The following ADAM10 variants were observed in gnomAD, a reference collection of about 807,000 sequenced individuals.
ADAM10 encodes the protein disintegrin and metalloproteinase domain-containing protein 10.
Under a neutral mutation model 90.1 loss-of-function variants are expected in ADAM10, and 17 were observed. The ratio of observed to expected loss-of-function variants is 0.19; its 90% CI spans 0.13 to 0.28. The LOEUF (loss-of-function observed/expected upper bound fraction) is 0.28. ADAM10 is among the 10% of genes least tolerant of loss of function. The pLI is 1.00. For missense variants in ADAM10, 610 were observed against 914.3 expected (o/e 0.67, Z 4.29); for synonymous variants, 310 against 298.6 (o/e 1.04, Z -0.40).
chr15:58,599,323 A>C (rs763117751), intron 15 of ADAM10, among the ~76,000 whole-genome samples: 4 of 152,032 alleles, frequency 2.6e-5, no homozygotes, highest in Non-Finnish European at 5.9e-5. Flanking sequence ...ATATTTAAAA[A>C]AAAAAAAACA....
At chr15:58,748,990 G>A (rs1899884739) in intron 1 of ADAM10, 3 of 399,144 alleles carry the variant, frequency 7.5e-6, no homozygotes, top group Non-Finnish European at 1.3e-5. Flanking sequence ...TCTGCGCGGC[G>A]GGTCTCGGCG....
At chr15:58,674,042 T>C (rs1444039280) in intron 4 of ADAM10, among the ~76,000 whole-genome samples, 2 of 152,060 alleles carry the variant, frequency 1.3e-5, no homozygotes, top group African/African-American at 4.8e-5. Flanking sequence ...CACTGCCTCT[T>C]TTTTTGTGAT....
chr15:58,678,965 T>A (rs1197981051), intron 4 of ADAM10, among the ~76,000 whole-genome samples, 159 bp downstream of exon 4: 1 of 152,230 alleles, frequency 6.6e-6, no homozygotes, highest in Non-Finnish European at 1.5e-5. Context: ...TCATTACATA[T>A]ATCTACTATT....
intron 5 of ADAM10, among the ~76,000 whole-genome samples, chr15:58,660,592 C>T (rs1896941761): frequency 1.3e-5 from 2 of 152,128 alleles, no homozygotes; most frequent in Non-Finnish European, 2.9e-5. Flanking sequence ...ATATTTAATG[C>T]AGTCATCAAT....
chr15:58,643,617 A>G (rs1896470672), intron 7 of ADAM10, among the ~76,000 whole-genome samples: 1 of 152,236 alleles, frequency 6.6e-6, no homozygotes, highest in African/African-American at 2.4e-5. Context: ...TCTTAATAAT[A>G]TGTTAATCAG....
chr15:58,603,839 C>T (rs990243556), intron 14 of ADAM10, among the ~76,000 whole-genome samples: 1 of 70,064 alleles, frequency 1.4e-5, no homozygotes, highest in African/African-American at 5.7e-5. Flanking sequence ...GAAGAATACA[C>T]AAGAAATCCA....
At chr15:58,720,976 G>A (rs943805685) in intron 1 of ADAM10, among the ~76,000 whole-genome samples, 28 of 152,202 alleles carry the variant, frequency 1.8e-4, no homozygotes, top group Admixed American at 6.5e-5. Flanking sequence ...CACCAAAGGC[G>A]TCAAGCTGGT....
intron 1 of ADAM10, among the ~76,000 whole-genome samples, chr15:58,719,390 G>A (rs1298504334): frequency 6.6e-6 from 1 of 151,784 alleles, no homozygotes; most frequent in African/African-American, 2.4e-5. Flanking sequence ...ATGCAGGAAA[G>A]TAAATTTAAT....
chr15:58,618,256 G>C (rs1895677569), intron 11 of ADAM10, among the ~76,000 whole-genome samples: 1 of 151,850 alleles, frequency 6.6e-6, no homozygotes, highest in Non-Finnish European at 1.5e-5. Context: ...GGTGATTTTT[G>C]AACATTCAGT....
intron 2 of ADAM10, among the ~76,000 whole-genome samples, chr15:58,715,500 T>G (rs553844129): frequency 8.5e-5 from 13 of 152,218 alleles, no homozygotes; most frequent in Middle Eastern, 3.4e-3. Context: ...CCTTTTTTAG[T>G]GCCTCAGCAA....
intron 9 of ADAM10, among the ~76,000 whole-genome samples, chr15:58,628,501 C>A (rs1375745394): frequency 6.6e-6 from 1 of 152,160 alleles, no homozygotes; most frequent in Non-Finnish European, 1.5e-5. Context: ...GTTCTGTGTA[C>A]ACGTAACATA....
chr15:58,731,866 G>C (rs751173921), intron 1 of ADAM10, among the ~76,000 whole-genome samples: 2 of 152,142 alleles, frequency 1.3e-5, no homozygotes, highest in Non-Finnish European at 2.9e-5. Context: ...TTTCCATCTA[G>C]CTGGACAAGG....
intron 1 of ADAM10, among the ~76,000 whole-genome samples, chr15:58,742,253 G>A: frequency 6.6e-6 from 1 of 152,160 alleles, no homozygotes; most frequent in East Asian, 1.9e-4. Context: ...TGGACTGTAT[G>A]TATGTTAACC....
At chr15:58,635,810 T>C (rs754044836) in intron 8 of ADAM10, among the ~76,000 whole-genome samples, 2 of 151,188 alleles carry the variant, frequency 1.3e-5, no homozygotes, top group East Asian at 1.9e-4. Context: ...AAAAAGTAAA[T>C]AGGCATATTT....
intron 1 of ADAM10, among the ~76,000 whole-genome samples, chr15:58,736,066 A>G (rs1371659003): frequency 1.3e-5 from 2 of 152,176 alleles, no homozygotes; most frequent in African/African-American, 4.8e-5. Context: ...ATCTTGCTAA[A>G]TATCTTTCTA....
Sources: allele counts gnomAD v4.1 joint callset (sites outside exome capture counted in the v4.1 genomes callset), GRCh38; gene constraint gnomAD v4.1.1; transcripts MANE v1.5; gene names NCBI Gene and HGNC (gene_info 2026-07-23, HGNC 2026-07-21).